Variants in MEI4 observed in about 807,000 individuals in gnomAD.
MEI4 encodes the protein meiosis-specific protein MEI4.
A neutral mutation model predicts 31.4 loss-of-function variants in MEI4; 27 were observed. The observed-to-expected ratio is 0.86, with a 90% CI of 0.63 to 1.19. The LOEUF is 1.19. MEI4 is among the 50% of genes most tolerant of loss of function. MEI4 has a pLI of 0.00. For missense variants in MEI4, 329 were observed against 398.9 expected (o/e 0.82, Z 1.49); for synonymous variants, 122 against 145.4 (o/e 0.84, Z 1.16).
At chr6:77,742,451 C>G (rs918020690) in intron 2 of MEI4, among the ~76,000 whole-genome samples, 2 of 152,052 alleles carry the variant, frequency 1.3e-5, no homozygotes, top group East Asian at 1.9e-4. Flanking sequence ...GTCCTTTGCC[C>G]ACTTTTTGAT....
intron 4 of MEI4, 49 bp downstream of exon 4, chr6:77,829,111 T>C: frequency 8.3e-7 from 1 of 1,201,352 alleles, no homozygotes; most frequent in Non-Finnish European, 1.0e-6. Flanking sequence ...ATTGTAACTA[T>C]ATGTTTTTCT....
At chr6:77,675,290 T>C (rs1389028902) in intron 1 of MEI4, among the ~76,000 whole-genome samples, 3 of 152,268 alleles carry the variant, frequency 2.0e-5, no homozygotes, top group Admixed American at 6.5e-5. Flanking sequence ...TATTGAATAG[T>C]TGTATTAAAA....
chr6:77,681,899 A>G (rs1304447336), intron 1 of MEI4, among the ~76,000 whole-genome samples: 1 of 152,204 alleles, frequency 6.6e-6, no homozygotes, highest in Admixed American at 6.5e-5. Context: ...ATAAAAGTAG[A>G]AAAATTTGAA....
chr6:77,818,854 C>T (rs1006982804), intron 3 of MEI4, among the ~76,000 whole-genome samples: 2 of 152,022 alleles, frequency 1.3e-5, no homozygotes, highest in East Asian at 1.9e-4. Context: ...CCTCAGTCAC[C>T]GAGTAACTGA....
At chr6:77,876,966 G>A (rs1321341104) in intron 4 of MEI4, among the ~76,000 whole-genome samples, 1 of 152,076 alleles carries the variant, frequency 6.6e-6, no homozygotes, top group African/African-American at 2.4e-5. Flanking sequence ...TTAAATGTTA[G>A]GTTCATGCCC....
At chr6:77,695,723 C>G (rs1313616342) in intron 2 of MEI4, among the ~76,000 whole-genome samples, 1 of 152,156 alleles carries the variant, frequency 6.6e-6, no homozygotes, top group Non-Finnish European at 1.5e-5. Flanking sequence ...GTTCTTTTGG[C>G]TTAGGATTGA....
intron 3 of MEI4, among the ~76,000 whole-genome samples, chr6:77,797,525 G>C (rs1222704836): frequency 1.3e-5 from 2 of 152,108 alleles, no homozygotes; most frequent in African/African-American, 4.8e-5. Context: ...CTCAGTGTGA[G>C]TCTAAAAGCC....
intron 4 of MEI4, among the ~76,000 whole-genome samples, chr6:77,832,852 T>A (rs187254145): frequency 6.6e-6 from 1 of 152,264 alleles, no homozygotes; most frequent in Admixed American, 6.5e-5. Context: ...ATGTGTGTTG[T>A]CTCACCTACT....
At chr6:77,709,767 T>C (rs552869364) in intron 2 of MEI4, among the ~76,000 whole-genome samples, 19 of 152,324 alleles carry the variant, frequency 1.2e-4, no homozygotes, top group African/African-American at 4.3e-4. Context: ...TCATACAAAT[T>C]ATATGGCATT....
At chr6:77,819,249 A>G (rs951420862) in intron 3 of MEI4, among the ~76,000 whole-genome samples, 1 of 152,128 alleles carries the variant, frequency 6.6e-6, no homozygotes, top group African/African-American at 2.4e-5. Flanking sequence ...TATTGAACTC[A>G]ATATTGTTTT....
At chr6:77,821,303 A>G (rs181414982) in intron 3 of MEI4, among the ~76,000 whole-genome samples, 165 of 152,274 alleles carry the variant, frequency 1.1e-3, no homozygotes, top group Non-Finnish European at 2.9e-4. Flanking sequence ...AACTTTTATT[A>G]TTAACCCATA....
intron 2 of MEI4, among the ~76,000 whole-genome samples, chr6:77,693,174 A>C (rs376015265): frequency 6.6e-6 from 1 of 152,222 alleles, no homozygotes; most frequent in African/African-American, 2.4e-5. Flanking sequence ...ATAGTATTAC[A>C]CAATTTACAG....
intron 4 of MEI4, among the ~76,000 whole-genome samples, chr6:77,903,347 T>C (rs992931616): frequency 3.3e-5 from 5 of 152,274 alleles, no homozygotes; most frequent in East Asian, 3.9e-4. Flanking sequence ...TTATGTGTGA[T>C]AGTCAGCACT....
intron 2 of MEI4, among the ~76,000 whole-genome samples, chr6:77,692,591 G>A (rs1182739322): frequency 6.6e-6 from 1 of 152,044 alleles, no homozygotes; most frequent in African/African-American, 2.4e-5. Context: ...TAAAAGGACA[G>A]ACATGTAGGA....
chr6:77,846,451 T>C (rs1770489302), intron 4 of MEI4, among the ~76,000 whole-genome samples: 3 of 152,188 alleles, frequency 2.0e-5, no homozygotes, highest in Non-Finnish European at 2.9e-5. Context: ...CTTTAGTAAG[T>C]TATTTTCAGA....
intron 4 of MEI4, among the ~76,000 whole-genome samples, chr6:77,881,907 G>A (rs1177526025): frequency 6.6e-6 from 1 of 152,166 alleles, no homozygotes; most frequent in Non-Finnish European, 1.5e-5. Flanking sequence ...AGACACATTA[G>A]TGTATTCCAA....
chr6:77,894,751 A>G (rs1766044635), intron 4 of MEI4, among the ~76,000 whole-genome samples: 1 of 152,182 alleles, frequency 6.6e-6, no homozygotes, highest in Non-Finnish European at 1.5e-5. Flanking sequence ...CCTAAAAAGT[A>G]TACCTGCTCA....
At chr6:77,781,277 G>GTACT (rs1322296058) in intron 3 of MEI4, among the ~76,000 whole-genome samples, 1 of 151,990 alleles carries the variant, frequency 6.6e-6, no homozygotes, top group Admixed American at 6.6e-5. Flanking sequence ...ATGATAATTA[G>GTACT]GGATTGCTTT....
At chr6:77,707,044 G>T (rs1199993221) in intron 2 of MEI4, among the ~76,000 whole-genome samples, 1 of 151,886 alleles carries the variant, frequency 6.6e-6, no homozygotes, top group Non-Finnish European at 1.5e-5. Context: ...TTTGAAAGTG[G>T]GCAATGGGCA....
Sources: allele counts gnomAD v4.1 joint callset (sites outside exome capture counted in the v4.1 genomes callset), GRCh38; gene constraint gnomAD v4.1.1; transcripts MANE v1.5; gene names NCBI Gene and HGNC (gene_info 2026-07-23, HGNC 2026-07-21).